Variants in LRRC1 observed in about 807,000 individuals in gnomAD.
The protein encoded by LRRC1 is leucine-rich repeat-containing protein 1.
Under a neutral mutation model 69.9 loss-of-function variants are expected in LRRC1, and 28 were observed. The ratio of observed to expected loss-of-function variants is 0.40; its 90% CI spans 0.30 to 0.55. The LOEUF (loss-of-function observed/expected upper bound fraction) is 0.55. Ranked by LOEUF, LRRC1 falls within the 20% of genes least tolerant of loss-of-function variation. The probability of loss-of-function intolerance (pLI) is 0.47; values close to 1 mark genes in which losing one functional copy is unlikely to be tolerated. For synonymous variants in LRRC1, 236 were observed against 240.2 expected (o/e 0.98, Z 0.16); for missense variants, 498 against 609.0 (o/e 0.82, Z 1.92).
chr6:53,820,892 A>G (rs1765095901), intron 1 of LRRC1, among the ~76,000 whole-genome samples: 1 of 152,190 alleles, frequency 6.6e-6, no homozygotes, highest in Admixed American at 6.5e-5. Context: ...ACACACTAGA[A>G]TGTCAGCACT....
At position 53,902,658 on chromosome 6, in the gene LRRC1, G is replaced by T; in HGVS notation, c.817G>T (p.Val273Leu). The change falls in exon 9 of 14, where the codon GTG becomes TTG. Residue 273 changes from valine (V) to leucine (L), a missense_variant. By Grantham distance (32) the Val-to-Leu change is conservative (BLOSUM62 1). Coordinates refer to ENST00000370888, the MANE Select transcript of LRRC1 (RefSeq NM_018214.5). The part of the protein sequence containing the change: ...GKLKKLSILK[V>L]DQNRLTQLPE... ...ACTAAAGAAACTGTCAATCTTGAAG[G>T]TGGATCAGAATAGACTCACACAGTT... 1.2e-6 allele frequency: 2 copies of T among 1,605,504 alleles called. No individual in the cohort carries two copies. Among genetic ancestry groups the T allele is most frequent in the Non-Finnish European group, 1.7e-6 (2 of 1,176,272 alleles).
chr6:53,895,815 G>A (rs1767850714), intron 4 of LRRC1, among the ~76,000 whole-genome samples: 1 of 152,234 alleles, frequency 6.6e-6, no homozygotes, highest in African/African-American at 2.4e-5. Context: ...ATCTGATGAA[G>A]AGAGCCTCAT....
chr6:53,795,756 GT>G (rs947046778), intron 1 of LRRC1, among the ~76,000 whole-genome samples: 6 of 152,144 alleles, frequency 3.9e-5, no homozygotes, highest in Admixed American at 3.9e-4. Flanking sequence ...GATTCGGGCT[GT>G]TTCCATCTGG....
At chr6:53,808,854 A>G (rs1385653395) in intron 1 of LRRC1, among the ~76,000 whole-genome samples, 1 of 152,208 alleles carries the variant, frequency 6.6e-6, no homozygotes, top group Non-Finnish European at 1.5e-5. Flanking sequence ...CCTGTTTCAA[A>G]AACAAATAAA....
chr6:53,854,432 G>A (rs1042817089), intron 2 of LRRC1, among the ~76,000 whole-genome samples: 1 of 152,204 alleles, frequency 6.6e-6, no homozygotes, highest in Non-Finnish European at 1.5e-5. Flanking sequence ...AAAGCAAAGA[G>A]AACTGTGTGA....
intron 10 of LRRC1, among the ~76,000 whole-genome samples, chr6:53,908,281 G>A (rs1049444806): frequency 3.3e-5 from 5 of 152,134 alleles, no homozygotes; most frequent in African/African-American, 1.2e-4. Flanking sequence ...TGAAAGAGAC[G>A]CCAACTAAGC....
chr6:53,917,421 G>A (rs1021608946), intron 11 of LRRC1, among the ~76,000 whole-genome samples: 1 of 152,210 alleles, frequency 6.6e-6, no homozygotes, highest in Non-Finnish European at 1.5e-5. Context: ...ATTAATTTGA[G>A]TTGAAATATG....
intron 1 of LRRC1, among the ~76,000 whole-genome samples, chr6:53,832,029 T>G (rs1386109659): frequency 1.3e-5 from 2 of 152,198 alleles, no homozygotes; most frequent in Admixed American, 6.5e-5. Context: ...GTTGGTGTAT[T>G]TGCTGAGAAA....
chr6:53,829,232 T>G (rs1359848475), intron 1 of LRRC1, among the ~76,000 whole-genome samples: 1 of 152,194 alleles, frequency 6.6e-6, no homozygotes, highest in African/African-American at 2.4e-5. Context: ...AGGCAGGTAA[T>G]CTCTCTGTGC....
At chr6:53,857,555 G>A (rs975192482) in intron 2 of LRRC1, among the ~76,000 whole-genome samples, 3 of 152,182 alleles carry the variant, frequency 2.0e-5, no homozygotes, top group African/African-American at 7.2e-5. Context: ...TAAGAGACTG[G>A]GAAGCAACAG....
chr6:53,798,462 T>C lies in LRRC1; in HGVS notation c.159+3047T>C, dbSNP rs538796917. ...GGCACGATCTCCACTCACTGCAAGCTCCTCCTTCTGGGTTCACACCATTCT... is the reference window on the plus strand; with the variant it reads ...GGCACGATCTCCACTCACTGCAAGCCCCTCCTTCTGGGTTCACACCATTCT... On this transcript the variant is annotated intron_variant, in intron 1 of 13. Transcript: ENST00000370888. Among the ~76,000 whole-genome samples the C allele has an allele frequency of 2.1e-3, 321 of 152,324 alleles. 1 individual carries two copies. Among genetic ancestry groups the C allele is most frequent in the African/African-American group, 7.0e-3 (293 of 41,570 alleles).
At chr6:53,862,845 C>T (rs1046316482) in intron 2 of LRRC1, among the ~76,000 whole-genome samples, 1 of 152,158 alleles carries the variant, frequency 6.6e-6, no homozygotes, top group Non-Finnish European at 1.5e-5. Flanking sequence ...TCCCCCTGCA[C>T]ACCCGGAACA....
At chr6:53,906,621 G>A (rs991400862) in intron 10 of LRRC1, among the ~76,000 whole-genome samples, 3 of 152,158 alleles carry the variant, frequency 2.0e-5, no homozygotes, top group Admixed American at 2.0e-4. Context: ...ACACTCAAGA[G>A]TTTCTGACTA....
intron 10 of LRRC1, among the ~76,000 whole-genome samples, chr6:53,908,704 G>A (rs960038718): frequency 1.3e-5 from 2 of 152,114 alleles, no homozygotes; most frequent in African/African-American, 2.4e-5. Context: ...TCTTGAAAGG[G>A]GGCAGGGAGA....
intron 2 of LRRC1, among the ~76,000 whole-genome samples, chr6:53,857,008 C>A (rs919545582): frequency 6.6e-6 from 1 of 152,128 alleles, no homozygotes; most frequent in African/African-American, 2.4e-5. Flanking sequence ...AAGAAATGAT[C>A]AGGTCTGAGG....
chr6:53,864,869 G>C (rs1766645572), intron 2 of LRRC1, among the ~76,000 whole-genome samples: 1 of 152,150 alleles, frequency 6.6e-6, no homozygotes, highest in Non-Finnish European at 1.5e-5. Context: ...CAGCTGTCAG[G>C]TGACTAATTT....
At chr6:53,914,452 G>A (rs975530137) in intron 11 of LRRC1, among the ~76,000 whole-genome samples, 1 of 152,138 alleles carries the variant, frequency 6.6e-6, no homozygotes, top group Non-Finnish European at 1.5e-5. Flanking sequence ...GTGTATTTAG[G>A]GAAGTGTTTA....
Position 53,923,089 on chromosome 6 carries a change from A to T in LRRC1, c.*296A>T. The T allele has an allele frequency of 4.3e-6, 1 of 234,638 alleles. No individual in the cohort carries two copies. The highest frequency in any genetic ancestry group is 8.2e-6 in the Non-Finnish European group (1 of 122,210). The allele number at this position is 234,638 out of a possible 1,614,324, so 14.5% of individuals were successfully genotyped here. A position where few individuals can be genotyped will look rare whatever the true frequency, so the allele number is the denominator to read the frequency against. ...TTTTTGTCTTATGTTGGGGTAAAGGAAAGCAGGAAGGGGAATTTTTATCCT... is the reference window on the plus strand; with the variant it reads ...TTTTTGTCTTATGTTGGGGTAAAGGTAAGCAGGAAGGGGAATTTTTATCCT... On this transcript the variant is annotated 3_prime_UTR_variant, in exon 14 of 14. Coordinates refer to ENST00000370888, the MANE Select transcript of LRRC1 (RefSeq NM_018214.5).
Position 53,923,009 on chromosome 6 carries a change from T to A in LRRC1, c.*216T>A, listed in dbSNP as rs1345354005. ...CTCCCGGTGTGATTTTTTTTTTTTT[T>A]AATTTCAGTTGTTTGTAATAAGTAG... On this transcript the variant is annotated 3_prime_UTR_variant, in exon 14 of 14. Coordinates refer to ENST00000370888, the MANE Select transcript of LRRC1 (RefSeq NM_018214.5). 9.5e-6 allele frequency: 4 copies of A among 422,344 alleles called. No homozygotes were observed. Among genetic ancestry groups the A allele is most frequent in the East Asian group, 3.6e-5 (1 of 27,570 alleles). The allele number at this position is 422,344 out of a possible 1,614,324, so 26.2% of individuals were successfully genotyped here. A position where few individuals can be genotyped will look rare whatever the true frequency, so the allele number is the denominator to read the frequency against.
Sources: allele counts gnomAD v4.1 joint callset (sites outside exome capture counted in the v4.1 genomes callset), GRCh38; gene constraint gnomAD v4.1.1; transcripts MANE v1.5; gene names NCBI Gene and HGNC (gene_info 2026-07-23, HGNC 2026-07-21).